IREB2: variants seen among roughly 807,000 people sequenced by gnomAD.
IREB2 encodes iron-responsive element-binding protein 2.
IREB2 carries 39 observed loss-of-function variants against 118.8 expected under a neutral mutation model. The observed-to-expected ratio is 0.33, with a 90% CI of 0.25 to 0.43. The LOEUF is 0.43. IREB2 is among the 20% of genes least tolerant of loss of function. IREB2 has a pLI of 1.00. For missense variants in IREB2, 900 were observed against 1,147.3 expected (o/e 0.78, Z 3.11); for synonymous variants, 372 against 392.2 (o/e 0.95, Z 0.61).
chr15:78,482,394 T>C (rs1222092534), intron 10 of IREB2, among the ~76,000 whole-genome samples: 2 of 152,152 alleles, frequency 1.3e-5, no homozygotes, highest in Non-Finnish European at 1.5e-5. Context: ...AAGAAATAAA[T>C]AGGAATCTAG....
At chr15:78,438,415 C>T (rs2050788477) in intron 1 of IREB2, 59 bp downstream of exon 1, 5 of 1,559,830 alleles carry the variant, frequency 3.2e-6, no homozygotes, top group South Asian at 2.3e-5. Flanking sequence ...GCCTAGGCGC[C>T]GAATTCCTTG....
At chr15:78,460,354 T>G (rs2051176077) in intron 2 of IREB2, among the ~76,000 whole-genome samples, 1 of 152,254 alleles carries the variant, frequency 6.6e-6, no homozygotes, top group Non-Finnish European at 1.5e-5. Flanking sequence ...CCTTTATTTG[T>G]CAGTTTTCAG....
intron 2 of IREB2, among the ~76,000 whole-genome samples, chr15:78,456,826 G>T (rs1287192377): frequency 6.6e-6 from 1 of 152,108 alleles, no homozygotes; most frequent in African/African-American, 2.4e-5. Flanking sequence ...ACTCCCCAGA[G>T]AATACTATTT....
chr15:78,493,959 C>T lies in IREB2; in HGVS notation c.2375C>T (p.Ala792Val), dbSNP rs773918733. ...TACGGAGCTCGAAGAGGTAATGATGCTGTAATGACAAGAGGCACTTTTGCA... is the reference window on the plus strand; with the variant it reads ...TACGGAGCTCGAAGAGGTAATGATGTTGTAATGACAAGAGGCACTTTTGCA... ...NSYGARRGNDAVMTRGTFANI... is the reference protein window; with the variant it reads ...NSYGARRGNDVVMTRGTFANI... The change falls in exon 19 of 22, where the codon GCT (alanine) becomes GTT (valine). Residue 792 changes from alanine to valine, a missense_variant. Physicochemically the swap from Ala to Val is moderately conservative, Grantham distance 64 (BLOSUM62 0). Coordinates refer to ENST00000258886, the MANE Select transcript of IREB2 (RefSeq NM_004136.4). 62 of 1,613,840 alleles carry T rather than the reference C, an allele frequency of 3.8e-5. 2 individuals carry two copies. In the South Asian group the frequency reaches 6.8e-4, roughly 18 times the overall value.
intron 7 of IREB2, 110 bp from the exon 8 acceptor site, chr15:78,473,132 T>C: frequency 9.8e-7 from 1 of 1,025,502 alleles, no homozygotes; most frequent in Non-Finnish European, 1.4e-6. Context: ...ATAGCAACTC[T>C]GCAAAGTACT....
At chr15:78,497,355 T>G in intron 21 of IREB2, 44 bp downstream of exon 21, 1 of 1,312,060 alleles carries the variant, frequency 7.6e-7, no homozygotes, top group African/African-American at 1.5e-5. Flanking sequence ...ACTCAAATGT[T>G]TATGAATTAT....
chr15:78,439,977 C>T (rs955404941), intron 2 of IREB2, 96 bp downstream of exon 2: 3 of 764,970 alleles, frequency 3.9e-6, no homozygotes, highest in Non-Finnish European at 6.7e-6. Flanking sequence ...TGTATTTCCA[C>T]CGTATTGTAA....
At chr15:78,478,777 G>A (rs772028130) in intron 10 of IREB2, among the ~76,000 whole-genome samples, 21 of 152,176 alleles carry the variant, frequency 1.4e-4, no homozygotes, top group Non-Finnish European at 2.2e-4. Flanking sequence ...GCTCTAAGAC[G>A]TGTTAGCTGT....
chr15:78,446,045 A>G (rs1225904486), intron 2 of IREB2, among the ~76,000 whole-genome samples: 1 of 152,098 alleles, frequency 6.6e-6, no homozygotes, highest in Non-Finnish European at 1.5e-5. Context: ...CAGCCTCCCA[A>G]AGTGCTGGGG....
At chr15:78,478,852 T>C (rs1005433132) in intron 10 of IREB2, among the ~76,000 whole-genome samples, 1 of 152,206 alleles carries the variant, frequency 6.6e-6, no homozygotes, top group East Asian at 1.9e-4. Flanking sequence ...TATGACAATA[T>C]CTACCTCTAA....
chr15:78,453,598 G>GC (rs2051060137), intron 2 of IREB2, among the ~76,000 whole-genome samples: 1 of 152,208 alleles, frequency 6.6e-6, no homozygotes, highest in African/African-American at 2.4e-5. Flanking sequence ...AACTCCTATA[G>GC]AGAAGTTATC....
intron 9 of IREB2, among the ~76,000 whole-genome samples, chr15:78,477,094 A>G (rs2051484696): frequency 6.6e-6 from 1 of 152,180 alleles, no homozygotes. Context: ...ATGAATGGTT[A>G]TATAGAATCC....
rs375837666 is a variant in IREB2, at chr15:78,494,027, A to G, written c.2443A>G (p.Lys815Glu). Reference protein sequence around the residue: ...FNKFIGKPAPKTIHFPSGQTL... With the variant: ...FNKFIGKPAPETIHFPSGQTL... ...TAAGTTTATTGGAAAACCAGCTCCT[A>G]AAACAATTCATTTTCCATCAGGACA... Residue 815 changes from lysine to glutamate, a missense_variant, in exon 19 of 22, where the codon AAA (lysine) becomes GAA (glutamate). Transcript: ENST00000258886. 12 of 1,614,022 alleles carry G rather than the reference A, an allele frequency of 7.4e-6. No individual in the cohort carries two copies. In the African/African-American group the frequency reaches 1.5e-4, roughly 20 times the overall value.
Position 78,497,299 on chromosome 15 carries a change from A to C in IREB2, c.2769A>C (p.Thr923=), listed in dbSNP as rs572231369. ...CTGAAGAACTGTCTCCTGGAATTAC[A>C]TTGAATATACAGGTATCTCTAAATT... is the stretch of plus-strand genomic sequence containing the variant. ...TFPEELSPGI[T]LNIQTSTGKV... Residue 923 remains threonine (T), a synonymous_variant, in exon 21 of 22, where the codon ACA becomes ACC. Transcript: ENST00000258886. 5.6e-6 allele frequency: 9 copies of C among 1,611,342 alleles called. No homozygotes were observed. In the African/African-American group the frequency reaches 1.1e-4, roughly 19 times the overall value.
intron 20 of IREB2, 117 bp from the exon 21 acceptor site, chr15:78,497,009 G>C (rs918044952): frequency 5.9e-6 from 4 of 680,498 alleles, no homozygotes; most frequent in Admixed American, 5.3e-5. Flanking sequence ...GATTCAGTAT[G>C]AGATATTAGA....
At chr15:78,437,840 T>C (rs540872864), upstream of IREB2, 4 of 159,884 alleles carry the variant, frequency 2.5e-5, no homozygotes, top group South Asian at 6.1e-4. Flanking sequence ...AATGCAAGGC[T>C]TTATAGTTAG....
At chr15:78,467,224 A>G (rs1012030215) in intron 5 of IREB2, among the ~76,000 whole-genome samples, 6 of 151,638 alleles carry the variant, frequency 4.0e-5, no homozygotes, top group South Asian at 2.1e-4. Context: ...AAAAAAAAAA[A>G]AGAGCCGTAT....
chr15:78,453,658 C>T (rs2051061656), intron 2 of IREB2, among the ~76,000 whole-genome samples: 1 of 152,068 alleles, frequency 6.6e-6, no homozygotes, highest in Non-Finnish European at 1.5e-5. Flanking sequence ...AAGGGTGAAT[C>T]CAGAGGCAGC....
rs34274372 is a variant in IREB2, at chr15:78,497,238, G to A, written c.2708G>A (p.Gly903Asp). ...CCAGGAGAAAATGCAGATTCCTTGG[G>A]CCTCTCCGGTAGAGAAACATTTTCT... The part of the protein sequence containing the change: ...FLPGENADSL[G>D]LSGRETFSLT... Residue 903 changes from glycine (G) to aspartate (D), a missense_variant, in exon 21 of 22, where the codon GGC (glycine) becomes GAC (aspartate). By Grantham distance (94) the Gly-to-Asp change is moderately conservative. Coordinates refer to ENST00000258886, the MANE Select transcript of IREB2 (RefSeq NM_004136.4). 2 of 1,613,730 alleles carry A rather than the reference G, an allele frequency of 1.2e-6. No homozygotes were observed. The highest frequency in any genetic ancestry group is 2.7e-5 in the African/African-American group (2 of 74,908).
Sources: allele counts gnomAD v4.1 joint callset (sites outside exome capture counted in the v4.1 genomes callset), GRCh38; gene constraint gnomAD v4.1.1; transcripts MANE v1.5; gene names NCBI Gene and HGNC (gene_info 2026-07-23, HGNC 2026-07-21).